Variants in CACNA2D3 observed in about 807,000 individuals in gnomAD.
The protein encoded by CACNA2D3 is voltage-dependent calcium channel subunit alpha-2/delta-3.
A neutral mutation model predicts 160.6 loss-of-function variants in CACNA2D3; 60 were observed. The ratio of observed to expected loss-of-function variants is 0.37; its 90% CI spans 0.30 to 0.46. The LOEUF (loss-of-function observed/expected upper bound fraction) is 0.46, where lower values mean the gene tolerates loss of function less well. Ranked by LOEUF, CACNA2D3 falls within the 20% of genes least tolerant of loss-of-function variation. The pLI is 1.00. For synonymous variants in CACNA2D3, 558 were observed against 492.9 expected (o/e 1.13, Z -1.75); for missense variants, 1,205 against 1,365.0 (o/e 0.88, Z 1.85).
chr3:54,166,956 A>G (rs1424097098), intron 2 of CACNA2D3, among the ~76,000 whole-genome samples: 5 of 152,222 alleles, frequency 3.3e-5, no homozygotes, highest in African/African-American at 1.2e-4. Flanking sequence ...TATGAGTTAT[A>G]ATATTACCTG....
chr3:54,558,515 C>G (rs915479278), intron 5 of CACNA2D3, among the ~76,000 whole-genome samples: 3 of 152,000 alleles, frequency 2.0e-5, no homozygotes, highest in African/African-American at 7.3e-5. Context: ...ATTTTATCAC[C>G]CAGGTAATAA....
chr3:54,259,606 C>G (rs1195405604), intron 2 of CACNA2D3, among the ~76,000 whole-genome samples: 1 of 152,098 alleles, frequency 6.6e-6, no homozygotes, highest in Non-Finnish European at 1.5e-5. Context: ...AAAACCAAGC[C>G]GCTTGTTCCT....
At chr3:54,810,406 T>G (rs1262135143) in intron 13 of CACNA2D3, among the ~76,000 whole-genome samples, 1 of 152,178 alleles carries the variant, frequency 6.6e-6, no homozygotes, top group African/African-American at 2.4e-5. Context: ...TTTTAGAGTT[T>G]GAGCCATTTA....
At chr3:54,935,179 G>A (rs144077474) in intron 27 of CACNA2D3, among the ~76,000 whole-genome samples, 38 of 152,306 alleles carry the variant, frequency 2.5e-4, no homozygotes, top group African/African-American at 8.4e-4. Flanking sequence ...AGTCCTTGCT[G>A]GGGAACTTCA....
chr3:54,598,617 T>A (rs1245766560), intron 9 of CACNA2D3, among the ~76,000 whole-genome samples: 3 of 151,982 alleles, frequency 2.0e-5, no homozygotes, highest in African/African-American at 4.8e-5. Context: ...GGAAGATGAG[T>A]CCTTCTGTAT....
Position 54,544,396 on chromosome 3 carries a change from C to CT in CACNA2D3, c.545-18391dup, listed in dbSNP as rs796305037. Among the ~76,000 whole-genome samples, 1,182 of 135,430 alleles carry CT rather than the reference C, an allele frequency of 8.7e-3. 7 individuals carry two copies. The highest frequency in any genetic ancestry group is 0.019 in the Admixed American group (257 of 13,392). 88.8% of individuals were successfully genotyped at this position (135,430 alleles called of 152,430 possible). ...CTGATCTTACAGTGACCAAACTAGCCTTTTTTTTTTTTTAATGTTTTTAAA... is the reference window on the plus strand; with the variant it reads ...CTGATCTTACAGTGACCAAACTAGCCTTTTTTTTTTTTTTAATGTTTTTAAA... On this transcript the variant is annotated intron_variant, in intron 5 of 37. Coordinates refer to ENST00000474759, the MANE Select transcript of CACNA2D3 (RefSeq NM_018398.3).
chr3:54,221,096 T>G (rs576147950), intron 2 of CACNA2D3, among the ~76,000 whole-genome samples: 1 of 152,340 alleles, frequency 6.6e-6, no homozygotes, highest in East Asian at 1.9e-4. Context: ...TTGAGTGCAT[T>G]TCCGCATTTC....
chr3:54,759,480 C>CA (rs79206974), intron 12 of CACNA2D3, among the ~76,000 whole-genome samples: 7,351 of 101,890 alleles, frequency 0.072, 468 homozygotes, highest in African/African-American at 0.21. Context: ...ATTTAAAAAC[C>CA]AAAAAAAAAA....
At chr3:54,930,932 A>G (rs1701172718) in intron 27 of CACNA2D3, among the ~76,000 whole-genome samples, 1 of 152,162 alleles carries the variant, frequency 6.6e-6, no homozygotes, top group African/African-American at 2.4e-5. Context: ...CCCCATCTCT[A>G]CTAAAATACA....
Position 55,026,534 on chromosome 3 carries a change from T to C in CACNA2D3, c.2987+8217T>C, listed in dbSNP as rs1285775765. Among the ~76,000 whole-genome samples the C allele has an allele frequency of 3.3e-5, 5 of 152,000 alleles. No homozygotes were observed. In the Middle Eastern group the frequency reaches 0.014, roughly 414 times the overall value. On this transcript the variant is annotated intron_variant, in intron 35 of 37. Transcript: ENST00000474759. ...ACACGGGGGTCGCAGAAGGAAGGCT[T>C]AGGTGGTCAAAAAAAGCTTCCTGGA... is the stretch of plus-strand genomic sequence containing the variant.
intron 35 of CACNA2D3, among the ~76,000 whole-genome samples, chr3:55,019,110 T>TCTTTC (rs368979475): frequency 6.6e-6 from 1 of 151,536 alleles, no homozygotes; most frequent in Non-Finnish European, 1.5e-5. Context: ...TTTCTTTCTT[T>TCTTTC]TTTTAATAAG....
intron 35 of CACNA2D3, among the ~76,000 whole-genome samples, chr3:55,058,753 A>G (rs778438864): frequency 6.6e-6 from 1 of 152,210 alleles, no homozygotes; most frequent in East Asian, 1.9e-4. Flanking sequence ...ATCACATGCC[A>G]GCTCATTACT....
chr3:54,592,129 G>T (rs149539251), intron 9 of CACNA2D3, among the ~76,000 whole-genome samples: 1 of 152,208 alleles, frequency 6.6e-6, no homozygotes, highest in East Asian at 1.9e-4. Context: ...CACAATACTC[G>T]GGTGACCCCC....
At chr3:54,830,223 G>A (rs984204422) in intron 14 of CACNA2D3, among the ~76,000 whole-genome samples, 1 of 152,006 alleles carries the variant, frequency 6.6e-6, no homozygotes, top group African/African-American at 2.4e-5. Flanking sequence ...GATTACAGGC[G>A]TGAGCCACCA....
At chr3:54,942,306 A>G (rs1265386517) in intron 27 of CACNA2D3, among the ~76,000 whole-genome samples, 2 of 151,944 alleles carry the variant, frequency 1.3e-5, no homozygotes, top group Admixed American at 6.6e-5. Flanking sequence ...AAAGATTCAG[A>G]CTCTGGCCCA....
At chr3:54,279,038 G>A (rs1370329901) in intron 2 of CACNA2D3, among the ~76,000 whole-genome samples, 2 of 152,134 alleles carry the variant, frequency 1.3e-5, no homozygotes, top group Non-Finnish European at 2.9e-5. Context: ...AATCAAATTA[G>A]CATTCTTTAA....
intron 2 of CACNA2D3, among the ~76,000 whole-genome samples, chr3:54,301,879 C>T (rs560130274): frequency 2.2e-4 from 33 of 152,306 alleles, no homozygotes; most frequent in Non-Finnish European, 4.3e-4. Flanking sequence ...AGATACATGT[C>T]TCCCACCTGA....
chr3:54,784,099 G>GT (rs138602053), intron 13 of CACNA2D3, among the ~76,000 whole-genome samples: 6 of 152,272 alleles, frequency 3.9e-5, no homozygotes, highest in African/African-American at 1.4e-4. Context: ...ACTTTGTATG[G>GT]TAAGTCTGTC....
chr3:54,967,427 G>A (rs11715786), intron 27 of CACNA2D3, among the ~76,000 whole-genome samples: 62,016 of 151,942 alleles, frequency 0.41, 13,566 homozygotes, highest in East Asian at 0.54. Context: ...GGGTGTTCCA[G>A]TTTTATTTAG....
Sources: gnomAD v4.1 joint callset for allele counts (sites outside exome capture counted in the v4.1 genomes callset) on GRCh38, gnomAD v4.1.1 for gene constraint, MANE v1.5 for transcripts, NCBI Gene and HGNC (gene_info 2026-07-23, HGNC 2026-07-21) for gene names.